RBM41: variants seen among roughly 807,000 people sequenced by gnomAD.
The protein encoded by RBM41 is RNA-binding protein 41.
A neutral mutation model predicts 30.8 loss-of-function variants in RBM41; 14 were observed. That is an observed-to-expected ratio of 0.45 (90% CI 0.30 to 0.71). The LOEUF (loss-of-function observed/expected upper bound fraction) is 0.71, where lower values mean the gene tolerates loss of function less well. Ranked by LOEUF, RBM41 falls within the 30% of genes least tolerant of loss-of-function variation. RBM41 has a pLI of 0.08. For missense variants in RBM41, 276 were observed against 326.3 expected (o/e 0.85, Z 1.19); for synonymous variants, 120 against 110.1 (o/e 1.09, Z -0.56).
intron 6 of RBM41, among the ~76,000 whole-genome samples, chrX:107,085,401 CGATTACAAGTGT>C (rs1444853275): frequency 9.2e-6 from 1 of 108,630 alleles, no homozygotes; most frequent in African/African-American, 3.3e-5. Context: ...TGAGCAGCTG[CGATTACAAGTGT>C]GTGCCATCAA....
chrX:107,062,104 T>C lies in RBM41; in HGVS notation c.*5423A>G, dbSNP rs1261738460. Among the ~76,000 whole-genome samples, 1 of 112,178 alleles carries C rather than the reference T, an allele frequency of 8.9e-6. No homozygotes were observed. Among genetic ancestry groups the C allele is most frequent in the African/African-American group, 3.2e-5 (1 of 30,866 alleles). ...TAACCCCTGACATCCACTGAAGTTT[T>C]TTCTCCATCCCTATTGTTTTGCTTT... On this transcript the variant is annotated 3_prime_UTR_variant, in exon 8 of 8. Coordinates refer to ENST00000685964, the MANE Select transcript of RBM41 (RefSeq NM_001324242.2).
chrX:107,109,599 A>AT lies in RBM41; in HGVS notation c.595+3797dup, dbSNP rs1343467002. Among the ~76,000 whole-genome samples the AT allele has an allele frequency of 3.6e-5, 4 of 110,956 alleles. No individual in the cohort carries two copies. The East Asian group carries it at 1.1e-3, about 31-fold the overall frequency. ...CCTCTATGTCATTTATTTTTGCTCC[A>AT]TTTTTTATTATTTCTTTTCATCAGC... On this transcript the variant is annotated intron_variant, in intron 5 of 7. Transcript: ENST00000685964.
At chrX:107,117,575 T>C (rs5962382) in intron 1 of RBM41, among the ~76,000 whole-genome samples, 33,505 of 110,727 alleles carry the variant, frequency 0.3, 4,809 homozygotes, top group African/African-American at 0.54. Flanking sequence ...AAGCTCCAGA[T>C]GGAATAAATG....
rs977158205 is a variant in RBM41 at position 107,067,375 on chromosome X, C to T, written c.*152G>A. 8.9e-5 allele frequency: 96 copies of T among 1,078,724 alleles called. No individual in the cohort carries two copies. Among genetic ancestry groups the T allele is most frequent in the Non-Finnish European group, 1.1e-4 (89 of 833,400 alleles). 88.9% of individuals were successfully genotyped at this position (1,078,724 alleles called of 1,213,427 possible). On this transcript the variant is annotated 3_prime_UTR_variant, in exon 8 of 8. Coordinates refer to ENST00000685964, the MANE Select transcript of RBM41 (RefSeq NM_001324242.2). ...ATTATATAATAGAAAATGTTTTCTA[C>T]CAGTTCTCTCCAAAAGCTGAAATTA...
At chrX:107,083,938 C>A (rs1302442856) in intron 6 of RBM41, among the ~76,000 whole-genome samples, 2 of 103,444 alleles carry the variant, frequency 1.9e-5, no homozygotes, top group Non-Finnish European at 3.9e-5. Flanking sequence ...TTTTAGCATA[C>A]GTTATAATTT....
intron 5 of RBM41, among the ~76,000 whole-genome samples, chrX:107,105,976 A>G (rs1923937012): frequency 8.9e-6 from 1 of 112,055 alleles, no homozygotes; most frequent in African/African-American, 3.2e-5. Flanking sequence ...TTCATGACTA[A>G]AACACCAAAA....
chrX:107,073,015 C>T (rs1283292971), intron 6 of RBM41, among the ~76,000 whole-genome samples: 7 of 111,197 alleles, frequency 6.3e-5, no homozygotes, highest in East Asian at 2.8e-4. Flanking sequence ...AAGACCTAAA[C>T]GTAAGACCGG....
intron 6 of RBM41, among the ~76,000 whole-genome samples, chrX:107,075,898 T>A (rs953198443): frequency 1.5e-4 from 17 of 111,824 alleles, no homozygotes; most frequent in Non-Finnish European, 2.8e-4. Context: ...CCAAAAGAGC[T>A]GAAATCAGCA....
chrX:107,060,436 C>G (rs1935622280), downstream of RBM41, among the ~76,000 whole-genome samples: 1 of 109,612 alleles, frequency 9.1e-6, no homozygotes, highest in East Asian at 2.9e-4. Context: ...GGGATTTGCC[C>G]TTTTTACCCT....
At chrX:107,073,016 G>A (rs187046098) in intron 6 of RBM41, among the ~76,000 whole-genome samples, 47 of 110,361 alleles carry the variant, frequency 4.3e-4, no homozygotes, top group Middle Eastern at 4.7e-3. Context: ...AGACCTAAAC[G>A]TAAGACCGGA....
chrX:107,088,320 C>T, intron 6 of RBM41, 116 bp downstream of exon 6: 1 of 712,540 alleles, frequency 1.4e-6, no homozygotes. Flanking sequence ...AACACAATCA[C>T]TGTGCCTATA....
Position 107,063,947 on chromosome X carries a change from CTTTT to C in RBM41, c.*3576_*3579del, listed in dbSNP as rs1186566741. Among the ~76,000 whole-genome samples the C allele has an allele frequency of 2.0e-5, 2 of 101,043 alleles. No homozygotes were observed. The highest frequency in any genetic ancestry group is 4.0e-5 in the Non-Finnish European group (2 of 50,159). 87.7% of individuals were successfully genotyped at this position (101,043 alleles called of 115,157 possible). Reference sequence around the variant, plus strand: ...AAGTGAGGTTAGTGCTATGGTCTTTCTTTTCTTTTTTTTTTTTTTTTTGAGATGG... The same window carrying C: ...AAGTGAGGTTAGTGCTATGGTCTTTCCTTTTTTTTTTTTTTTTTGAGATGG... On this transcript the variant is annotated 3_prime_UTR_variant, in exon 8 of 8. Coordinates refer to ENST00000685964, the MANE Select transcript of RBM41 (RefSeq NM_001324242.2).
Position 107,065,739 on chromosome X carries a change from T to C in RBM41, c.*1788A>G. The C allele has an allele frequency of 8.6e-7, 1 of 1,157,187 alleles. No individual in the cohort carries two copies. The highest frequency in any genetic ancestry group is 2.0e-5 in the South Asian group (1 of 50,396). ...GTTCTTTAGTACAAGACAGTTTTGC[T>C]TCCACTCAGCTTCTTCAACCTGTTA... On this transcript the variant is annotated 3_prime_UTR_variant, in exon 8 of 8. Transcript: ENST00000685964.
At chrX:107,111,535 T>C (rs1287682912) in intron 5 of RBM41, among the ~76,000 whole-genome samples, 1 of 111,263 alleles carries the variant, frequency 9.0e-6, no homozygotes, top group Non-Finnish European at 1.9e-5. Context: ...AGCAATTCCA[T>C]TTCTGAGTAT....
chrX:107,074,441 G>A (rs1000765744), intron 6 of RBM41, among the ~76,000 whole-genome samples: 2 of 111,031 alleles, frequency 1.8e-5, no homozygotes, highest in Admixed American at 9.6e-5. Context: ...GACCTCTTGA[G>A]AACATCACTT....
rs1923289009 is a variant in RBM41 at position 107,099,708 on chromosome X, C to G, written c.596-10869G>C. Among the ~76,000 whole-genome samples the G allele has an allele frequency of 1.8e-5, 2 of 109,986 alleles. 1 individual carries two copies. The highest frequency in any genetic ancestry group is 3.8e-5 in the Non-Finnish European group (2 of 52,587). ...TGAAAGGTACACACACACACACACA[C>G]ACACACACACACACACACACGAACA... On this transcript the variant is annotated intron_variant, in intron 5 of 7. Coordinates refer to ENST00000685964, the MANE Select transcript of RBM41 (RefSeq NM_001324242.2).
chrX:107,094,701 A>G (rs988868411), intron 5 of RBM41, among the ~76,000 whole-genome samples: 1 of 111,488 alleles, frequency 9.0e-6, no homozygotes, highest in African/African-American at 3.3e-5. Context: ...GACCAATGCA[A>G]TCATAAGGGT....
chrX:107,055,613 T>C, the RBM41 span, among the ~76,000 whole-genome samples: 3 of 112,712 alleles, frequency 2.7e-5, no homozygotes, highest in Non-Finnish European at 5.6e-5. Flanking sequence ...CGTGAGCCAC[T>C]GCGCCTGGCC....
At chrX:107,053,303 G>A in the RBM41 span, among the ~76,000 whole-genome samples, 6,315 of 59,747 alleles carry the variant, frequency 0.11, no homozygotes, top group African/African-American at 0.18. Context: ...TTCAAACAAT[G>A]ATAGGCTGAG....
Sources: gnomAD v4.1 joint callset for allele counts (sites outside exome capture counted in the v4.1 genomes callset) on GRCh38, gnomAD v4.1.1 for gene constraint, MANE v1.5 for transcripts, NCBI Gene and HGNC (gene_info 2026-07-23, HGNC 2026-07-21) for gene names.